Variants in TENM2 observed in about 807,000 individuals in gnomAD.
The protein encoded by TENM2 is teneurin transmembrane protein 2, also known as teneurin-2.
A neutral mutation model predicts 245.2 loss-of-function variants in TENM2; 52 were observed. The observed-to-expected ratio is 0.21, with a 90% CI of 0.17 to 0.27. TENM2 has a LOEUF of 0.27. Among genes scored for constraint, TENM2 ranks in the 10% least tolerant of loss-of-function variants. TENM2 has a pLI of 1.00. For missense variants in TENM2, 3,046 were observed against 3,666.8 expected (o/e 0.83, Z 4.37); for synonymous variants, 1,363 against 1,438.9 (o/e 0.95, Z 1.19).
chr5:168,075,597 C>T (rs1341307073), intron 7 of TENM2, among the ~76,000 whole-genome samples: 2 of 152,216 alleles, frequency 1.3e-5, no homozygotes, highest in Non-Finnish European at 2.9e-5. Context: ...TTTGTCTCCA[C>T]TAGAGTTTCA....
chr5:167,189,757 A>G, the TENM2 span, among the ~76,000 whole-genome samples: 13 of 151,992 alleles, frequency 8.6e-5, no homozygotes, highest in African/African-American at 3.1e-4. Context: ...ATATTATTTT[A>G]TCAAATGAAA....
chr5:167,192,817 G>A, the TENM2 span, among the ~76,000 whole-genome samples: 2 of 152,030 alleles, frequency 1.3e-5, no homozygotes, highest in African/African-American at 4.8e-5. Flanking sequence ...ATGTAAGCAC[G>A]CAACTTCACT....
At chr5:167,030,674 C>T in the TENM2 span, among the ~76,000 whole-genome samples, 2 of 152,268 alleles carry the variant, frequency 1.3e-5, no homozygotes, top group Middle Eastern at 3.4e-3. Flanking sequence ...CTCCTCGCTT[C>T]TGTCCCTGTA....
intron 3 of TENM2, among the ~76,000 whole-genome samples, chr5:167,880,554 G>T (rs1773797651): frequency 6.6e-6 from 1 of 152,114 alleles, no homozygotes; most frequent in South Asian, 2.1e-4. Context: ...AAGCAAATCA[G>T]TCATTTCAGG....
At chr5:166,982,684 A>T in the TENM2 span, among the ~76,000 whole-genome samples, 3 of 152,238 alleles carry the variant, frequency 2.0e-5, no homozygotes, top group East Asian at 5.8e-4. Flanking sequence ...GGTTCCCAGT[A>T]GCCCTGATGT....
At chr5:167,780,515 C>G (rs116414730) in intron 2 of TENM2, among the ~76,000 whole-genome samples, 2 of 152,026 alleles carry the variant, frequency 1.3e-5, no homozygotes, top group Admixed American at 1.3e-4. Flanking sequence ...TTAAAATGGC[C>G]CCTGAGCATA....
the TENM2 span, among the ~76,000 whole-genome samples, chr5:167,248,970 T>G: frequency 6.6e-6 from 1 of 152,156 alleles, no homozygotes; most frequent in Admixed American, 6.6e-5. Context: ...TATAGTCCGC[T>G]GATCAGTAAA....
intron 3 of TENM2, among the ~76,000 whole-genome samples, chr5:167,945,885 G>A (rs956947194): frequency 1.3e-5 from 2 of 152,110 alleles, no homozygotes; most frequent in African/African-American, 2.4e-5. Context: ...TGGAGCCAGC[G>A]GCTGGGGAGA....
At chr5:167,714,851 G>C (rs1031995195) in intron 2 of TENM2, among the ~76,000 whole-genome samples, 1 of 152,154 alleles carries the variant, frequency 6.6e-6, no homozygotes, top group African/African-American at 2.4e-5. Flanking sequence ...TTCTCCCCAG[G>C]ATTGGTGGGG....
intron 2 of TENM2, among the ~76,000 whole-genome samples, chr5:167,867,010 C>G (rs1012973368): frequency 6.6e-6 from 1 of 152,230 alleles, no homozygotes; most frequent in Admixed American, 6.5e-5. Context: ...TCAATCTGGA[C>G]AACTACACAT....
chr5:166,981,806 T>G, the TENM2 span, among the ~76,000 whole-genome samples: 2 of 152,150 alleles, frequency 1.3e-5, no homozygotes, highest in Non-Finnish European at 2.9e-5. Context: ...CTACTTCTAG[T>G]TTCCTGGCAA....
Position 167,635,633 on chromosome 5 carries a change from C to CTTTTTTTTTTTTTTTTTTTTTTTTTT in TENM2, c.503-240349_503-240324dup, listed in dbSNP as rs76155764. Among the ~76,000 whole-genome samples, 43 of 74,938 alleles carry CTTTTTTTTTTTTTTTTTTTTTTTTTT rather than the reference C, an allele frequency of 5.7e-4. 6 individuals carry two copies. The highest frequency in any genetic ancestry group is 2.0e-3 in the South Asian group (3 of 1,468). 49.2% of individuals were successfully genotyped at this position (74,938 alleles called of 152,430 possible). On this transcript the variant is annotated intron_variant, in intron 2 of 28. Coordinates refer to ENST00000518659, the Ensembl canonical transcript of TENM2. ...GGAATCTGGCTATGATCAGTACAGT[C>CTTTTTTTTTTTTTTTTTTTTTTTTTT]TTTTTTTTTTTTTTTTTTTTTTTTT... is the stretch of plus-strand genomic sequence containing the variant.
At chr5:167,852,628 G>A (rs115734901) in intron 2 of TENM2, among the ~76,000 whole-genome samples, 2,451 of 152,244 alleles carry the variant, frequency 0.016, 59 homozygotes, top group African/African-American at 0.054. Context: ...TTAGATCTTG[G>A]CTTAATGGTA....
At chr5:167,859,947 G>T (rs1583208823) in intron 2 of TENM2, among the ~76,000 whole-genome samples, 1 of 40,330 alleles carries the variant, frequency 2.5e-5, no homozygotes, top group East Asian at 7.8e-4. Context: ...CGCCCCGTCC[G>T]GGAGGGAGGT....
At chr5:168,082,598 A>T (rs142270456) in intron 7 of TENM2, among the ~76,000 whole-genome samples, 15,530 of 152,110 alleles carry the variant, frequency 0.1, 1,167 homozygotes, top group East Asian at 0.31. Context: ...TGACATGCAG[A>T]TGGGGTTTTG....
chr5:167,840,719 A>C (rs1361607173), intron 2 of TENM2, among the ~76,000 whole-genome samples: 2 of 152,204 alleles, frequency 1.3e-5, no homozygotes, highest in African/African-American at 4.8e-5. Context: ...AAGAAACATC[A>C]ATAAAATATA....
the TENM2 span, among the ~76,000 whole-genome samples, chr5:167,262,387 T>C: frequency 6.9e-6 from 1 of 145,632 alleles, no homozygotes; most frequent in East Asian, 2.1e-4. Context: ...ATTATCAAGA[T>C]GGCTTTTTTT....
At chr5:167,391,398 A>G (rs1458642506) in intron 2 of TENM2, among the ~76,000 whole-genome samples, 1 of 151,874 alleles carries the variant, frequency 6.6e-6, no homozygotes, top group Admixed American at 6.6e-5. Context: ...GGCTGAGGCG[A>G]GCAGATCACT....
chr5:167,494,094 T>G (rs1768622715), intron 2 of TENM2, among the ~76,000 whole-genome samples: 1 of 152,146 alleles, frequency 6.6e-6, no homozygotes, highest in Admixed American at 6.6e-5. Context: ...ATCCATCCGT[T>G]ACTCAATTCA....
Sources: gnomAD v4.1 joint callset for allele counts (sites outside exome capture counted in the v4.1 genomes callset) on GRCh38, gnomAD v4.1.1 for gene constraint, MANE v1.5 for transcripts, NCBI Gene and HGNC (gene_info 2026-07-23, HGNC 2026-07-21) for gene names.